XIRP2: variants seen among roughly 807,000 people sequenced by gnomAD.
The protein encoded by XIRP2 is xin actin binding repeat containing 2.
A neutral mutation model predicts 277.0 loss-of-function variants in XIRP2; 236 were observed. The ratio of observed to expected loss-of-function variants is 0.85; its 90% confidence interval spans 0.77 to 0.95. The LOEUF is 0.95. Ranked by LOEUF, XIRP2 falls within the 40% of genes least tolerant of loss-of-function variation. The probability of loss-of-function intolerance (pLI) is 0.00; values close to 1 mark genes in which losing one functional copy is unlikely to be tolerated. For synonymous variants in XIRP2, 1,490 were observed against 1,416.5 expected, an observed-to-expected ratio of 1.05 and a Z score of -1.17; for missense variants, 4,640 against 4,157.5, an observed-to-expected ratio of 1.12 and a Z score of -3.19.
At chr2:167,165,578 G>C (rs1265936031) in intron 3 of XIRP2, among the ~76,000 whole-genome samples, 1 of 152,154 alleles carries the variant, frequency 6.6e-6, no homozygotes, top group East Asian at 1.9e-4. Context: ...GTTTTAACTT[G>C]AAGTTCTTTG....
intron 3 of XIRP2, among the ~76,000 whole-genome samples, chr2:167,184,875 G>A (rs530745552): frequency 3.9e-5 from 6 of 152,200 alleles, no homozygotes; most frequent in Admixed American, 2.0e-4. Flanking sequence ...ATCTATATCA[G>A]ATTAGATAGG....
At chr2:166,931,239 A>G (rs1024305966) in intron 2 of XIRP2, among the ~76,000 whole-genome samples, 1 of 152,180 alleles carries the variant, frequency 6.6e-6, no homozygotes, top group Non-Finnish European at 1.5e-5. Context: ...ACAGACATGA[A>G]TGTTTAAGAT....
At chr2:166,937,936 G>A (rs541635306) in intron 2 of XIRP2, among the ~76,000 whole-genome samples, 46 of 152,242 alleles carry the variant, frequency 3.0e-4, no homozygotes, top group Middle Eastern at 3.4e-3. Context: ...GGGATCGGTG[G>A]TGATATCCCC....
At chr2:167,119,231 T>C (rs1391788583) in intron 2 of XIRP2, among the ~76,000 whole-genome samples, 1 of 152,178 alleles carries the variant, frequency 6.6e-6, no homozygotes, top group Non-Finnish European at 1.5e-5. Context: ...CTAGATTTTT[T>C]CCCCTTCTTT....
At chr2:167,039,427 T>C (rs1276147085) in intron 2 of XIRP2, among the ~76,000 whole-genome samples, 1 of 152,184 alleles carries the variant, frequency 6.6e-6, no homozygotes, top group East Asian at 1.9e-4. Flanking sequence ...AATGCAGAGT[T>C]AAGAGAAAAC....
At chr2:167,183,373 G>A (rs1693069642) in intron 3 of XIRP2, among the ~76,000 whole-genome samples, 1 of 152,090 alleles carries the variant, frequency 6.6e-6, no homozygotes, top group African/African-American at 2.4e-5. Context: ...TTAATGGAGT[G>A]TAGTTATATG....
intron 3 of XIRP2, chr2:167,187,162 G>A (rs1235783633): frequency 1.2e-6 from 1 of 806,708 alleles, no homozygotes; most frequent in Non-Finnish European, 1.5e-6. Flanking sequence ...TCGTGGCTGT[G>A]GAAGGGAGTT....
rs1216858361 is a variant in XIRP2, at chr2:167,251,291, C to T, written c.9899C>T (p.Ala3300Val). 14 of 1,613,582 alleles carry T rather than the reference C, an allele frequency of 8.7e-6. No homozygotes were observed. In the East Asian group the frequency reaches 2.9e-4, roughly 33 times the overall value. The change falls in exon 9 of 11, where the codon GCA becomes GTA. Residue 3300 changes from alanine to valine, a missense_variant. Coordinates refer to ENST00000409195, the MANE Select transcript of XIRP2 (RefSeq NM_152381.6). ...GCAGTTGAAATCATCCGCAAGGTTG[C>T]AGTGCCTCCTCGCCTGTCAGAGCAC... is the stretch of plus-strand genomic sequence containing the variant. ...YDAVEIIRKVAVPPRLSEHTQ... is the reference protein window; with the variant it reads ...YDAVEIIRKVVVPPRLSEHTQ...
At position 167,244,868 on chromosome 2, in the gene XIRP2, G is replaced by T; in HGVS notation, c.3476G>T (p.Gly1159Val). 1 of 1,613,712 alleles carries T rather than the reference G, an allele frequency of 6.2e-7. No individual in the cohort carries two copies. Among genetic ancestry groups the T allele is most frequent in the Non-Finnish European group, 8.5e-7 (1 of 1,179,762 alleles). Reference sequence around the variant, plus strand: ...ACTGTAAAACAGGAGGAGATCCAAGGTGGGGATGTTCGTACAGCATGTTTT... The same window carrying T: ...ACTGTAAAACAGGAGGAGATCCAAGTTGGGGATGTTCGTACAGCATGTTTT... ...LQTVKQEEIQ[G>V]GDVRTACFLF... The change falls in exon 9 of 11, where the codon GGT (glycine) becomes GTT (valine). Residue 1159 changes from glycine to valine, a missense_variant. Coordinates refer to ENST00000409195, the MANE Select transcript of XIRP2 (RefSeq NM_152381.6).
chr2:166,914,099 T>C (rs1684792497), intron 2 of XIRP2, among the ~76,000 whole-genome samples: 1 of 152,030 alleles, frequency 6.6e-6, no homozygotes, highest in South Asian at 2.1e-4. Flanking sequence ...GAAAACTGAG[T>C]CTTTATCAGA....
At chr2:166,938,957 C>T (rs943822580) in intron 2 of XIRP2, among the ~76,000 whole-genome samples, 4 of 152,176 alleles carry the variant, frequency 2.6e-5, no homozygotes, top group East Asian at 1.9e-4. Context: ...AGATCTTCCT[C>T]CATCCCTTTA....
chr2:166,938,677 C>T (rs1445108182), intron 2 of XIRP2, among the ~76,000 whole-genome samples: 2 of 152,066 alleles, frequency 1.3e-5, no homozygotes, highest in Non-Finnish European at 2.9e-5. Context: ...GTTGATCTGT[C>T]TAATGTTGAC....
rs532684339 is a variant in XIRP2, at chr2:167,018,082, A to G, written c.408+114192A>G. Among the ~76,000 whole-genome samples, 3 of 152,136 alleles carry G rather than the reference A, an allele frequency of 2.0e-5. No homozygotes were observed. In the East Asian group the frequency reaches 5.8e-4, roughly 30 times the overall value. On this transcript the variant is annotated intron_variant, in intron 2 of 10. Transcript: ENST00000409195. ...ATACCTAGCCTTTTACTGCTTAATA[A>G]CATTCCTCAATTTCTCGTCATCTCT...
chr2:167,072,148 A>T (rs1272098647), intron 2 of XIRP2, among the ~76,000 whole-genome samples: 1 of 152,070 alleles, frequency 6.6e-6, no homozygotes, highest in African/African-American at 2.4e-5. Flanking sequence ...TATGTAATAG[A>T]GTGTGTGTGT....
intron 3 of XIRP2, among the ~76,000 whole-genome samples, chr2:167,196,054 A>C (rs1385490262): frequency 6.6e-6 from 1 of 150,854 alleles, no homozygotes; most frequent in East Asian, 2.0e-4. Context: ...TGTGTGTGTA[A>C]AGAGAGAGAG....
intron 2 of XIRP2, among the ~76,000 whole-genome samples, chr2:167,061,745 T>C (rs1301032907): frequency 6.6e-6 from 1 of 152,052 alleles, no homozygotes; most frequent in Non-Finnish European, 1.5e-5. Flanking sequence ...AGTGTGGTGA[T>C]GCATCTATAA....
intron 2 of XIRP2, among the ~76,000 whole-genome samples, chr2:167,087,797 G>A (rs1298852765): frequency 6.6e-5 from 10 of 151,562 alleles, no homozygotes; most frequent in South Asian, 4.2e-4. Context: ...GCCCTGCTTC[G>A]GCTCGCGCAC....
chr2:167,226,000 C>A (rs1254261105), intron 5 of XIRP2, among the ~76,000 whole-genome samples: 1 of 152,116 alleles, frequency 6.6e-6, no homozygotes, highest in East Asian at 1.9e-4. Context: ...ATTCATACAG[C>A]CAGATCTGCA....
intron 2 of XIRP2, among the ~76,000 whole-genome samples, chr2:167,092,516 TG>T (rs1392488021): frequency 6.6e-5 from 10 of 152,258 alleles, no homozygotes; most frequent in African/African-American, 2.2e-4. Flanking sequence ...TTTTTCTGGG[TG>T]GCACTATAGT....
Sources: gnomAD v4.1 joint callset for allele counts (sites outside exome capture counted in the v4.1 genomes callset) on GRCh38, gnomAD v4.1.1 for gene constraint, MANE v1.5 for transcripts, NCBI Gene and HGNC (gene_info 2026-07-23, HGNC 2026-07-21) for gene names.